The following DAPK1 variants were observed in gnomAD, a reference collection of about 807,000 sequenced individuals.
DAPK1 encodes the protein death associated protein kinase 1.
In DAPK1, 56 loss-of-function variants were observed where a neutral mutation model predicts 144.9. That is an observed-to-expected ratio of 0.39 (90% CI 0.31 to 0.48). DAPK1 has a LOEUF of 0.48. Among genes scored for constraint, DAPK1 ranks in the 20% least tolerant of loss-of-function variants. The pLI, the probability that DAPK1 is intolerant of heterozygous loss-of-function variation, is 0.95. For synonymous variants in DAPK1, 690 were observed against 749.0 expected (o/e 0.92, Z 1.29); for missense variants, 1,454 against 1,875.4 (o/e 0.78, Z 4.15).
intron 24 of DAPK1, among the ~76,000 whole-genome samples, chr9:87,701,371 AG>A (rs1825445901): frequency 6.6e-6 from 1 of 152,208 alleles, no homozygotes; most frequent in East Asian, 1.9e-4. Flanking sequence ...CAAAATAACT[AG>A]GGACTGAGGG....
intron 2 of DAPK1, among the ~76,000 whole-genome samples, chr9:87,550,650 C>T (rs1394052569): frequency 1.3e-5 from 2 of 152,170 alleles, no homozygotes; most frequent in Non-Finnish European, 2.9e-5. Flanking sequence ...ACCATATTTC[C>T]AAATAAAGCT....
chr9:87,673,153 A>G (rs1587833181), intron 19 of DAPK1, among the ~76,000 whole-genome samples: 1 of 152,076 alleles, frequency 6.6e-6, no homozygotes, highest in South Asian at 2.1e-4. Context: ...AGCATTCCCT[A>G]CAGCCATATT....
At chr9:87,523,202 G>A (rs10746815) in intron 2 of DAPK1, among the ~76,000 whole-genome samples, 90,989 of 152,102 alleles carry the variant, frequency 0.6, 27,612 homozygotes, top group Middle Eastern at 0.71. Context: ...GTCTTTCACC[G>A]TCCCAGACAG....
chr9:87,621,765 T>C (rs972538794), intron 3 of DAPK1, among the ~76,000 whole-genome samples: 15 of 152,116 alleles, frequency 9.9e-5, no homozygotes, highest in African/African-American at 3.6e-4. Flanking sequence ...CTCATCTGAA[T>C]TCGTTTTTAA....
rs1303249702 is a variant in DAPK1, at chr9:87,639,809, A to G, written c.623A>G (p.Tyr208Cys). 4.3e-6 allele frequency: 7 copies of G among 1,613,320 alleles called. No individual in the cohort carries two copies. Among genetic ancestry groups the G allele is most frequent in the African/African-American group, 1.3e-5 (1 of 74,868 alleles). ...TTTAGGAGTATCGGGGTAATAACCT[A>G]TATCCTGTAAGTATCAGAATTCACA... ...ADMWSIGVIT[Y>C]ILLSGASPFL... The change falls in exon 7 of 26, where the codon TAT (tyrosine) becomes TGT (cysteine). Residue 208 changes from tyrosine to cysteine, a missense_variant. Around this residue, in one of 2 missense-constraint regions of DAPK1, gnomAD observed 429 missense variants for 637.5 expected, o/e 0.67. Coordinates refer to ENST00000408954, the MANE Select transcript of DAPK1 (RefSeq NM_004938.4).
rs1825682915 is a variant in DAPK1, at chr9:87,707,443, A to G, written c.*79A>G. 1 of 992,822 alleles carries G rather than the reference A, an allele frequency of 1.0e-6. No individual in the cohort carries two copies. The highest frequency in any genetic ancestry group is 1.6e-5 in the South Asian group (1 of 61,554). 61.5% of individuals were successfully genotyped at this position (992,822 alleles called of 1,614,324 possible). A position where few individuals can be genotyped will look rare whatever the true frequency, so the allele number is the denominator to read the frequency against. On this transcript the variant is annotated 3_prime_UTR_variant, in exon 26 of 26. Transcript: ENST00000408954. The surrounding 1 kb of genome is among the most constrained non-coding windows in gnomAD (Gnocchi z 4.0). ...ATGTAGCCCATCCTTCCCTTTGGAG[A>G]TGCTGAGGGTGTTTCTTCCTGCACC...
chr9:87,640,691 T>C lies in DAPK1; in HGVS notation c.783-111T>C, dbSNP rs929916296. Reference sequence around the variant, plus strand: ...CGATGTTGTTTTTGGCTTTCTTCCCTGAACTGCATTTTCCACAGTATCTGC... The same window carrying C: ...CGATGTTGTTTTTGGCTTTCTTCCCCGAACTGCATTTTCCACAGTATCTGC... On this transcript the variant is annotated intron_variant, in intron 8 of 25. Coordinates refer to ENST00000408954, the MANE Select transcript of DAPK1 (RefSeq NM_004938.4). The C allele has an allele frequency of 2.2e-5, 27 of 1,247,432 alleles. No homozygotes were observed. The African/African-American group carries it at 3.8e-4, about 18-fold the overall frequency. The allele number at this position is 1,247,432 out of a possible 1,614,324, so 77.3% of individuals were successfully genotyped here. A position where few individuals can be genotyped will look rare whatever the true frequency, so the allele number is the denominator to read the frequency against.
At chr9:87,512,483 C>A (rs1290896121) in intron 2 of DAPK1, among the ~76,000 whole-genome samples, 1 of 152,096 alleles carries the variant, frequency 6.6e-6, no homozygotes, top group Non-Finnish European at 1.5e-5. Context: ...CCAAGAAAAG[C>A]CCATTAGGTT....
At chr9:87,519,579 C>T (rs188479714) in intron 2 of DAPK1, among the ~76,000 whole-genome samples, 20 of 152,276 alleles carry the variant, frequency 1.3e-4, no homozygotes, top group East Asian at 5.8e-4. Flanking sequence ...ACCAGTGGCC[C>T]GCTCTGTCTG....
chr9:87,505,351 A>G (rs1257267469), intron 2 of DAPK1, among the ~76,000 whole-genome samples: 1 of 152,230 alleles, frequency 6.6e-6, no homozygotes, highest in African/African-American at 2.4e-5. Context: ...AGAGTACCCC[A>G]GAGAGCTCAG....
intron 17 of DAPK1, among the ~76,000 whole-genome samples, chr9:87,657,096 C>T (rs147788611): frequency 1.3e-5 from 2 of 152,192 alleles, no homozygotes; most frequent in African/African-American, 2.4e-5. Flanking sequence ...CTCAGGGTTT[C>T]AGTAATTAGT....
chr9:87,603,374 C>A (rs972961537), intron 2 of DAPK1, among the ~76,000 whole-genome samples: 1 of 152,108 alleles, frequency 6.6e-6, no homozygotes. Context: ...TACAGGCAGT[C>A]GGTGCTGGCA....
At chr9:87,670,804 G>C (rs1406220483) in intron 19 of DAPK1, among the ~76,000 whole-genome samples, 2 of 152,198 alleles carry the variant, frequency 1.3e-5, no homozygotes. Flanking sequence ...AGCTCATTGT[G>C]AGGCGGACAC....
intron 3 of DAPK1, among the ~76,000 whole-genome samples, chr9:87,628,934 C>T (rs1829571741): frequency 6.6e-6 from 1 of 152,214 alleles, no homozygotes; most frequent in Non-Finnish European, 1.5e-5. Context: ...CCTTTCCTTG[C>T]TTCTCTTTAT....
intron 3 of DAPK1, among the ~76,000 whole-genome samples, chr9:87,622,194 T>C (rs946959995): frequency 6.6e-6 from 1 of 152,044 alleles, no homozygotes; most frequent in Non-Finnish European, 1.5e-5. Flanking sequence ...CTCTTTCCCA[T>C]GCGCCCTCGC....
At chr9:87,637,575 C>A (rs961346000) in intron 3 of DAPK1, among the ~76,000 whole-genome samples, 1 of 152,178 alleles carries the variant, frequency 6.6e-6, no homozygotes, top group East Asian at 1.9e-4. Context: ...ACTATAAATT[C>A]TGTACAAAGC....
intron 17 of DAPK1, among the ~76,000 whole-genome samples, chr9:87,655,357 A>AT (rs757433009): frequency 6.6e-4 from 97 of 146,770 alleles, no homozygotes; most frequent in African/African-American, 1.6e-3. Flanking sequence ...TTGTTTTGCT[A>AT]TTTTTTTTTT....
At chr9:87,632,296 T>C (rs1301711067) in intron 3 of DAPK1, 1 of 983,306 alleles carries the variant, frequency 1.0e-6, no homozygotes, top group Non-Finnish European at 1.2e-6. Context: ...TGAGTACACA[T>C]GTAGAAATGA....
chr9:87,510,311 A>G (rs565402755), intron 2 of DAPK1, among the ~76,000 whole-genome samples: 52 of 152,282 alleles, frequency 3.4e-4, no homozygotes, highest in African/African-American at 8.7e-4. Flanking sequence ...TAAGAATATT[A>G]CTCATTAATA....
Sources: gnomAD v4.1 joint callset for allele counts (sites outside exome capture counted in the v4.1 genomes callset) on GRCh38, gnomAD v4.1.1 for gene constraint, gnomAD v4.1.1 regional missense constraint, Gnocchi (gnomAD v3.1) non-coding constraint, MANE v1.5 for transcripts, NCBI Gene and HGNC (gene_info 2026-07-23, HGNC 2026-07-21) for gene names.